Variants in FN3K observed in about 807,000 individuals in gnomAD.
FN3K encodes the protein fructosamine 3 kinase, also known as fructosamine-3-kinase.
In FN3K, 24 loss-of-function variants were observed where a neutral mutation model predicts 24.8. That is an observed-to-expected ratio of 0.97 (90% CI 0.70 to 1.36). The LOEUF is 1.36. Ranked by LOEUF, FN3K falls within the 40% of genes most tolerant of loss-of-function variation. FN3K has a pLI of 0.00. For synonymous variants in FN3K, 192 were observed against 175.2 expected (o/e 1.10, Z -0.76); for missense variants, 449 against 416.7 (o/e 1.08, Z -0.67).
At chr17:82,741,983 C>T (rs1700689231) in intron 4 of FN3K, among the ~76,000 whole-genome samples, 1 of 152,194 alleles carries the variant, frequency 6.6e-6, no homozygotes, top group African/African-American at 2.4e-5. Flanking sequence ...TCTCGACCCA[C>T]CGCAACATCG....
intron 4 of FN3K, among the ~76,000 whole-genome samples, chr17:82,748,494 C>T: frequency 1.0e-5 from 1 of 97,412 alleles, no homozygotes; most frequent in Non-Finnish European, 2.0e-5. Flanking sequence ...CTTTTCTATC[C>T]TTTCAAGCTT....
chr17:82,749,161 G>A (rs1259154049), intron 5 of FN3K, 184 bp downstream of exon 5: 4 of 890,876 alleles, frequency 4.5e-6, no homozygotes, highest in Non-Finnish European at 7.1e-6. Flanking sequence ...AGTGAGGAGT[G>A]AAGACACACT....
chr17:82,746,904 A>C (rs2451225), intron 4 of FN3K, among the ~76,000 whole-genome samples: 22,021 of 151,988 alleles, frequency 0.14, 1,747 homozygotes, highest in Non-Finnish European at 0.17. Flanking sequence ...GGCTCACTGC[A>C]ACCCCTGCCT....
chr17:82,750,867 C>A lies in FN3K; in HGVS notation c.*112C>A. 1.4e-6 allele frequency: 1 copy of A among 717,248 alleles called. No homozygotes were observed. Among genetic ancestry groups the A allele is most frequent in the East Asian group, 3.0e-5 (1 of 33,244 alleles). The allele number at this position is 717,248 out of a possible 1,614,324, so 44.4% of individuals were successfully genotyped here. A position where few individuals can be genotyped will look rare whatever the true frequency, so the allele number is the denominator to read the frequency against. On this transcript the variant is annotated 3_prime_UTR_variant, in exon 6 of 6. Coordinates refer to ENST00000300784, the MANE Select transcript of FN3K (RefSeq NM_022158.4). ...CCCTGTCCCCCTGTTCCCGTCTCCCCGTCCCTCCGTCTCCATCCCCCCGTC... is the reference window on the plus strand; with the variant it reads ...CCCTGTCCCCCTGTTCCCGTCTCCCAGTCCCTCCGTCTCCATCCCCCCGTC...
intron 4 of FN3K, chr17:82,742,520 A>C: frequency 2.9e-6 from 1 of 341,084 alleles, no homozygotes; most frequent in Non-Finnish European, 5.8e-6. Flanking sequence ...CATGTTTCAC[A>C]GCTCTTCCAT....
chr17:82,736,972 T>G (rs910659995), intron 1 of FN3K, among the ~76,000 whole-genome samples: 1 of 151,164 alleles, frequency 6.6e-6, no homozygotes, highest in Non-Finnish European at 1.5e-5. Context: ...AGTCCATGCA[T>G]AAGAGCAGGT....
chr17:82,736,822 C>G (rs779672969), intron 1 of FN3K, among the ~76,000 whole-genome samples: 6 of 152,230 alleles, frequency 3.9e-5, no homozygotes, highest in Non-Finnish European at 7.3e-5. Context: ...AGTGGGGAGT[C>G]CTACTCACAG....
rs547342861 is a variant in FN3K at position 82,739,448 on chromosome 17, C to T, written c.293+808C>T. ...GGATTACAGGCACCCCACCACCTCA[C>T]GCAGCTATTTTTTTTTTTTTTTTTT... On this transcript the variant is annotated intron_variant, in intron 2 of 5. Transcript: ENST00000300784. 3.7e-3 allele frequency among the ~76,000 whole-genome samples: 542 copies of T among 147,064 alleles called. 6 individuals carry two copies. The highest frequency in any genetic ancestry group is 0.013 in the African/African-American group (495 of 38,778).
chr17:82,750,824 C>CCGTCCCT lies in FN3K; in HGVS notation c.*70_*76dup. ...CTCCCCGTCCCTGTCCCCCCGTCCC[C>CCGTCCCT]CGTCCCTGTGCCCCCGTCCCTGTCC... On this transcript the variant is annotated 3_prime_UTR_variant, in exon 6 of 6. Transcript: ENST00000300784. 1.5e-6 allele frequency: 2 copies of CCGTCCCT among 1,301,374 alleles called. No homozygotes were observed. Among genetic ancestry groups the CCGTCCCT allele is most frequent in the Non-Finnish European group, 2.1e-6 (2 of 952,076 alleles). The allele number at this position is 1,301,374 out of a possible 1,614,324, so 80.6% of individuals were successfully genotyped here. A position where few individuals can be genotyped will look rare whatever the true frequency, so the allele number is the denominator to read the frequency against.
In FN3K at chr17:82,738,693, CAG is replaced by C. The variant is rs1165469907; in HGVS notation, c.293+57_293+58del. 9.0e-5 allele frequency: 144 copies of C among 1,594,402 alleles called. 4 individuals carry two copies. The highest frequency in any genetic ancestry group is 6.7e-4 in the South Asian group (61 of 90,398). Reference sequence around the variant, plus strand: ...ACATGTGTACAGGCAGAGAGAGACTCAGAGACAAACAGAGAGAGACAGAGAAA... The same window carrying C: ...ACATGTGTACAGGCAGAGAGAGACTCAGACAAACAGAGAGAGACAGAGAAA... On this transcript the variant is annotated intron_variant, in intron 2 of 5. Coordinates refer to ENST00000300784, the MANE Select transcript of FN3K (RefSeq NM_022158.4).
At chr17:82,742,791 A>T (rs1457413180) in intron 4 of FN3K, 14 of 446,778 alleles carry the variant, frequency 3.1e-5, no homozygotes, top group Non-Finnish European at 5.8e-5. Flanking sequence ...AGCTAGTTCA[A>T]AGTCACTGCT....
intron 4 of FN3K, chr17:82,745,205 A>G (rs143234488): frequency 0.038 from 6,740 of 176,528 alleles, 179 homozygotes; most frequent in African/African-American, 0.07. Context: ...AGCCTTCCAC[A>G]GTGTTTGTGT....
At chr17:82,740,712 G>A (rs745436501) in intron 2 of FN3K, 51 bp from the exon 3 acceptor site, 8 of 1,255,078 alleles carry the variant, frequency 6.4e-6, no homozygotes, top group Non-Finnish European at 9.3e-6. Context: ...AAACTGGGTG[G>A]TGTTATTTAT....
chr17:82,741,886 A>G (rs958127207), intron 4 of FN3K, among the ~76,000 whole-genome samples: 8 of 152,312 alleles, frequency 5.3e-5, no homozygotes, highest in African/African-American at 1.9e-4. Context: ...GTTTAACTCC[A>G]GAACATTTTC....
At chr17:82,748,634 CAT>C (rs1194654391) in intron 4 of FN3K, among the ~76,000 whole-genome samples, 1 of 151,994 alleles carries the variant, frequency 6.6e-6, no homozygotes, top group African/African-American at 2.4e-5. Context: ...TGTGCTTAGT[CAT>C]ATAGTTTTGA....
intron 1 of FN3K, chr17:82,738,222 C>G: frequency 4.1e-6 from 2 of 492,320 alleles, no homozygotes; most frequent in South Asian, 4.7e-5. Context: ...GGCACCCACA[C>G]GTGGCCTGTG....
chr17:82,736,323 T>C (rs2046900830), intron 1 of FN3K: 1 of 147,574 alleles, frequency 6.8e-6, no homozygotes, highest in South Asian at 2.3e-4. Flanking sequence ...ATCCCTGAGG[T>C]CAGGAGTTCG....
intron 4 of FN3K, among the ~76,000 whole-genome samples, chr17:82,748,138 CTTTCTTTTTTTT>C (rs750267891): frequency 3.3e-4 from 48 of 143,608 alleles, no homozygotes; most frequent in South Asian, 1.9e-3. Context: ...GCCACTCTAG[CTTTCTTTTTTTT>C]TTTCTTTTTT....
At chr17:82,738,667 C>T (rs765644225) in intron 2 of FN3K, 27 bp downstream of exon 2, 3 of 1,612,302 alleles carry the variant, frequency 1.9e-6, no homozygotes, top group East Asian at 2.2e-5. Flanking sequence ...CCCATATGCG[C>T]ACATGTGTAC....
Sources: gnomAD v4.1 joint callset for allele counts (sites outside exome capture counted in the v4.1 genomes callset) on GRCh38, gnomAD v4.1.1 for gene constraint, MANE v1.5 for transcripts, NCBI Gene and HGNC (gene_info 2026-07-23, HGNC 2026-07-21) for gene names.